The following USP42 variants were observed in gnomAD, a reference collection of about 807,000 sequenced individuals.
The protein encoded by USP42 is ubiquitin specific peptidase 42, also known as ubiquitin carboxyl-terminal hydrolase 42.
A neutral mutation model predicts 113.0 loss-of-function variants in USP42; 23 were observed. The observed-to-expected ratio is 0.20, with a 90% CI of 0.15 to 0.29. The LOEUF is 0.29. Among genes scored for constraint, USP42 ranks in the 10% least tolerant of loss-of-function variants. The pLI, the probability that USP42 is intolerant of heterozygous loss-of-function variation, is 1.00. For missense variants in USP42, 2,174 were observed against 1,779.8 expected (o/e 1.22, Z -3.99); for synonymous variants, 933 against 699.0 (o/e 1.33, Z -5.28).
At chr7:6,082,261 T>C in the USP42 span, among the ~76,000 whole-genome samples, 4 of 151,876 alleles carry the variant, frequency 2.6e-5, no homozygotes, top group Non-Finnish European at 5.9e-5. Flanking sequence ...CCCGAGTAGC[T>C]GGGACTACAG....
chr7:6,157,253 G>T lies in USP42; in HGVS notation c.3943+198G>T. 7.5e-7 allele frequency: 1 copy of T among 1,339,448 alleles called. No individual in the cohort carries two copies. The highest frequency in any genetic ancestry group is 9.5e-7 in the Non-Finnish European group (1 of 1,049,506). The allele number at this position is 1,339,448 out of a possible 1,614,324, so 83.0% of individuals were successfully genotyped here. On this transcript the variant is annotated intron_variant, in intron 16 of 17. Transcript: ENST00000306177. The surrounding 1 kb of genome is among the most constrained non-coding windows in gnomAD (Gnocchi z 4.1). The stretch of plus-strand genomic sequence containing the variant: ...TCCGTTGCACAGTTAAGCCCTTAGC[G>T]TTTATTGAAGGCCTAAGTGACACAG...
intron 3 of USP42, among the ~76,000 whole-genome samples, chr7:6,132,738 C>G (rs563225077): frequency 1.3e-4 from 20 of 152,206 alleles, no homozygotes; most frequent in African/African-American, 3.9e-4. Context: ...GCGTCGAGAT[C>G]TCGGCTCACT....
At position 6,154,719 on chromosome 7, in the gene USP42, C is replaced by G. The variant is rs1327591303; in HGVS notation, c.3165C>G (p.Arg1055=). 10 of 1,592,518 alleles carry G rather than the reference C, an allele frequency of 6.3e-6. No homozygotes were observed. In the African/African-American group the frequency reaches 9.4e-5, roughly 15 times the overall value. The change falls in exon 15 of 18, where the codon CGC becomes CGG. Residue 1055 remains arginine (R), a synonymous_variant. Coordinates refer to ENST00000306177, the MANE Select transcript of USP42 (RefSeq NM_032172.3). ...GREKFYPDRP[R]WDRCRYYHDR... ...AGAAGTTCTACCCCGACAGGCCGCG[C>G]TGGGACAGGTGCCGGTACTACCATG...
At chr7:6,132,993 G>A (rs1183390105) in intron 3 of USP42, among the ~76,000 whole-genome samples, 1 of 152,136 alleles carries the variant, frequency 6.6e-6, no homozygotes, top group African/African-American at 2.4e-5. Context: ...TATCTCCAGT[G>A]CTTTTAAGAT....
At chr7:6,098,798 G>A in the USP42 span, among the ~76,000 whole-genome samples, 2 of 150,214 alleles carry the variant, frequency 1.3e-5, no homozygotes, top group African/African-American at 4.9e-5. Flanking sequence ...TGTCTGCCTC[G>A]GCCTCTCAGA....
At chr7:6,087,301 G>C in the USP42 span, among the ~76,000 whole-genome samples, 1 of 149,974 alleles carries the variant, frequency 6.7e-6, no homozygotes, top group Admixed American at 6.6e-5. Context: ...AAAGTGCTGG[G>C]ATTACAGACG....
intron 3 of USP42, among the ~76,000 whole-genome samples, chr7:6,119,692 T>C (rs895918908): frequency 6.6e-6 from 1 of 151,816 alleles, no homozygotes; most frequent in Non-Finnish European, 1.5e-5. Context: ...GCCTTGTTTT[T>C]TGTTGTTGTT....
At chr7:6,145,929 G>A (rs939880309) in intron 10 of USP42, among the ~76,000 whole-genome samples, 4 of 152,210 alleles carry the variant, frequency 2.6e-5, no homozygotes, top group East Asian at 1.9e-4. Flanking sequence ...AATTATCTGC[G>A]TGTGGTGGCA....
chr7:6,097,551 C>T, the USP42 span, among the ~76,000 whole-genome samples: 1 of 150,684 alleles, frequency 6.6e-6, no homozygotes, highest in Non-Finnish European at 1.5e-5. Context: ...TGATTACAAG[C>T]ATAAGCCACT....
chr7:6,126,604 T>C (rs944015647), intron 3 of USP42, among the ~76,000 whole-genome samples: 3 of 152,250 alleles, frequency 2.0e-5, no homozygotes, highest in African/African-American at 7.2e-5. Flanking sequence ...ACAGTTTCTT[T>C]AACTACTTTT....
intron 3 of USP42, among the ~76,000 whole-genome samples, chr7:6,119,385 C>T (rs1486482957): frequency 6.6e-6 from 1 of 152,088 alleles, no homozygotes; most frequent in Non-Finnish European, 1.5e-5. Flanking sequence ...GTGAGAGGCT[C>T]GCTTCAGCTC....
intron 17 of USP42, among the ~76,000 whole-genome samples, chr7:6,160,237 C>CT (rs1782696202): frequency 6.6e-6 from 1 of 152,190 alleles, no homozygotes; most frequent in Non-Finnish European, 1.5e-5. Context: ...AATTAACAGG[C>CT]TTTATCAATG....
chr7:6,103,525 AAAAG>A (rs1790202001), upstream of USP42, among the ~76,000 whole-genome samples: 1 of 149,812 alleles, frequency 6.7e-6, no homozygotes, highest in South Asian at 2.1e-4. Context: ...TCAAAAAAAA[AAAAG>A]AAAAAGAAAA....
Position 6,139,929 on chromosome 7 carries a change from C to G in USP42, c.657-199C>G. 1 of 610,204 alleles carries G rather than the reference C, an allele frequency of 1.6e-6. No individual in the cohort carries two copies. Among genetic ancestry groups the G allele is most frequent in the East Asian group, 2.8e-5 (1 of 35,406 alleles). The allele number at this position is 610,204 out of a possible 1,614,324, so 37.8% of individuals were successfully genotyped here. A position where few individuals can be genotyped will look rare whatever the true frequency, so the allele number is the denominator to read the frequency against. ...CAGCTCCCACAGCTCTGCGTCTCCT[C>G]CCGCCACTCCCAGACCTCCCTGTGT... On this transcript the variant is annotated intron_variant, in intron 5 of 17. Coordinates refer to ENST00000306177, the MANE Select transcript of USP42 (RefSeq NM_032172.3). This position sits in a 1 kb window ranked among gnomAD's most constrained non-coding sequence, Gnocchi z 4.5.
upstream of USP42, among the ~76,000 whole-genome samples, chr7:6,100,361 C>T (rs183135051): frequency 4.0e-3 from 594 of 150,030 alleles, 9 homozygotes; most frequent in Non-Finnish European, 3.5e-3. Flanking sequence ...CGGAGTTTCG[C>T]TCTTGTTGCC....
chr7:6,085,922 A>G, the USP42 span, among the ~76,000 whole-genome samples: 1 of 150,640 alleles, frequency 6.6e-6, no homozygotes, highest in Admixed American at 6.6e-5. Flanking sequence ...CTATTAGTCT[A>G]TATTTTTTAT....
At chr7:6,104,728 T>C (rs61753117), upstream of USP42, among the ~76,000 whole-genome samples, 1,341 of 152,242 alleles carry the variant, frequency 8.8e-3, 10 homozygotes, top group Non-Finnish European at 0.015. Flanking sequence ...ACCGGCGCTC[T>C]GGTGACGCGC....
In USP42 at chr7:6,154,130, C is replaced by A. The variant is rs775947852; in HGVS notation, c.2576C>A (p.Pro859Gln). The A allele has an allele frequency of 6.3e-7, 1 of 1,598,696 alleles. No homozygotes were observed. The highest frequency in any genetic ancestry group is 8.5e-7 in the Non-Finnish European group (1 of 1,174,412). The change falls in exon 15 of 18, where the codon CCG becomes CAG. Residue 859 changes from proline (P) to glutamine (Q), a missense_variant. Physicochemically the swap from Pro to Gln is moderately conservative, Grantham distance 76 (BLOSUM62 -1). Coordinates refer to ENST00000306177, the MANE Select transcript of USP42 (RefSeq NM_032172.3). ...GCCCCGGAAGGGTTGAGTCCGGCTC[C>A]GCCTGCGCGGTCGGAGGAGCCCTGC... ...AEAPEGLSPAPPARSEEPCEQ... is the reference protein window; with the variant it reads ...AEAPEGLSPAQPARSEEPCEQ...
intron 3 of USP42, among the ~76,000 whole-genome samples, chr7:6,131,088 G>T (rs980458551): frequency 4.6e-5 from 7 of 152,136 alleles, no homozygotes; most frequent in Non-Finnish European, 8.8e-5. Flanking sequence ...CTCTGGATTG[G>T]TTAGTGTGTA....
Sources: allele counts gnomAD v4.1 joint callset (sites outside exome capture counted in the v4.1 genomes callset), GRCh38; gene constraint gnomAD v4.1.1; non-coding constraint Gnocchi (gnomAD v3.1); transcripts MANE v1.5; gene names NCBI Gene and HGNC (gene_info 2026-07-23, HGNC 2026-07-21).